The following SP140L variants were observed in gnomAD, a reference collection of about 807,000 sequenced individuals.
The protein encoded by SP140L is SP140 like nuclear body protein.
In SP140L, 64 loss-of-function variants were observed where a neutral mutation model predicts 84.3. The observed-to-expected ratio is 0.76, with a 90% CI of 0.62 to 0.94. SP140L has a LOEUF of 0.94. Among genes scored for constraint, SP140L ranks in the 40% least tolerant of loss-of-function variants. The pLI is 0.00. For missense variants in SP140L, 628 were observed against 692.5 expected (o/e 0.91, Z 1.05); for synonymous variants, 242 against 236.9 (o/e 1.02, Z -0.20).
At chr2:230,376,390 T>C (rs758931176) in intron 7 of SP140L, among the ~76,000 whole-genome samples, 6 of 152,120 alleles carry the variant, frequency 3.9e-5, no homozygotes, top group Non-Finnish European at 8.8e-5. Context: ...AATAAATGAA[T>C]TCAGTAAAGT....
Position 230,327,201 on chromosome 2 carries a change from C to A in SP140L, c.-69C>A. 2 of 1,535,584 alleles carry A rather than the reference C, an allele frequency of 1.3e-6. No individual in the cohort carries two copies. The highest frequency in any genetic ancestry group is 1.8e-6 in the Non-Finnish European group (2 of 1,127,900). Reference sequence around the variant, plus strand: ...TCCGGGTCAGGGCAGCCACACTGCACGCAGGCTGGGCCGACTGGGGAGCTC... The same window carrying A: ...TCCGGGTCAGGGCAGCCACACTGCAAGCAGGCTGGGCCGACTGGGGAGCTC... On this transcript the variant is annotated 5_prime_UTR_variant, in exon 1 of 19. Transcript: ENST00000415673.
At chr2:230,359,991 G>GGTGCTATACCAAACTAAAGTTTGGT (rs1274167276) in intron 4 of SP140L, among the ~76,000 whole-genome samples, 3 of 151,822 alleles carry the variant, frequency 2.0e-5, no homozygotes, top group African/African-American at 7.3e-5. Context: ...CTAAAGTTTT[G>GGTGCTATACCAAACTAAAGTTTGGT]ATTCTTGACT....
At chr2:230,351,219 A>G (rs1006663091) in intron 2 of SP140L, among the ~76,000 whole-genome samples, 4 of 152,224 alleles carry the variant, frequency 2.6e-5, no homozygotes, top group South Asian at 4.1e-4. Flanking sequence ...AGGCTGCAGT[A>G]ATTCATGCTC....
Position 230,403,018 on chromosome 2 carries a change from T to C in SP140L, c.*122T>C, listed in dbSNP as rs1575567766. 11 of 721,552 alleles carry C rather than the reference T, an allele frequency of 1.5e-5. No homozygotes were observed. In the East Asian group the frequency reaches 2.8e-4, roughly 18 times the overall value. 44.7% of individuals were successfully genotyped at this position (721,552 alleles called of 1,614,324 possible). A position where few individuals can be genotyped will look rare whatever the true frequency, so the allele number is the denominator to read the frequency against. On this transcript the variant is annotated 3_prime_UTR_variant, in exon 19 of 19. Coordinates refer to ENST00000415673, the MANE Select transcript of SP140L (RefSeq NM_138402.6). The stretch of plus-strand genomic sequence containing the variant: ...GGCTTTTCTCTGAGCCTCCCTCATC[T>C]GCCCAAAAACAAATCCTCAAAAGAA...
intron 2 of SP140L, among the ~76,000 whole-genome samples, chr2:230,351,532 CT>C (rs543457417): frequency 8.2e-4 from 125 of 152,242 alleles, no homozygotes; most frequent in Admixed American, 2.1e-3. Flanking sequence ...TCTTTTATAT[CT>C]GTATTGCTTT....
chr2:230,354,881 G>GAAAGAAAGAAGGAAAGAAAGAAAGA (rs2060485017), intron 2 of SP140L, among the ~76,000 whole-genome samples: 1 of 125,522 alleles, frequency 8.0e-6, no homozygotes, highest in Admixed American at 8.2e-5. Context: ...AAGAAAGAAA[G>GAAAGAAAGAAGGAAAGAAAGAAAGA]AAAGAAAGAA....
intron 5 of SP140L, among the ~76,000 whole-genome samples, chr2:230,365,259 A>G (rs996465800): frequency 1.3e-5 from 2 of 152,102 alleles, no homozygotes; most frequent in Non-Finnish European, 2.9e-5. Flanking sequence ...GGCAGAATTC[A>G]GCAGTGAAAC....
rs549435853 is a variant in SP140L, at chr2:230,333,489, G to A, written c.107+4658G>A. Among the ~76,000 whole-genome samples the A allele has an allele frequency of 4.6e-5, 7 of 152,162 alleles. No individual in the cohort carries two copies. The East Asian group carries it at 1.4e-3, about 29-fold the overall frequency. Reference sequence around the variant, plus strand: ...CTGATTCTTGATCCTGTCTTTCTATGTCACCTGTTTTGCCTCTCTGAAACT... The same window carrying A: ...CTGATTCTTGATCCTGTCTTTCTATATCACCTGTTTTGCCTCTCTGAAACT... On this transcript the variant is annotated intron_variant, in intron 2 of 18. Transcript: ENST00000415673.
chr2:230,371,048 G>A (rs2061051542), intron 6 of SP140L, 81 bp downstream of exon 6: 3 of 1,237,266 alleles, frequency 2.4e-6, no homozygotes, highest in African/African-American at 1.5e-5. Context: ...AGGTGCTCCA[G>A]TCCGCCCAGA....
intron 9 of SP140L, 145 bp from the exon 10 acceptor site, chr2:230,388,414 C>T: frequency 1.8e-6 from 1 of 562,050 alleles, no homozygotes; most frequent in Non-Finnish European, 3.0e-6. Flanking sequence ...TTCTTCATAC[C>T]TTAAAGGCTA....
intron 5 of SP140L, among the ~76,000 whole-genome samples, chr2:230,367,903 G>A (rs1282005603): frequency 5.9e-5 from 9 of 152,224 alleles, no homozygotes; most frequent in African/African-American, 1.9e-4. Flanking sequence ...CTGCACTCCA[G>A]CCTGGCAACA....
chr2:230,385,429 T>TA (rs2061544485), intron 9 of SP140L, 125 bp downstream of exon 9: 1 of 816,732 alleles, frequency 1.2e-6, no homozygotes, highest in Non-Finnish European at 1.9e-6. Flanking sequence ...CAGTGAAATC[T>TA]AAAAAACAGC....
At position 230,393,433 on chromosome 2, in the gene SP140L, C is replaced by T; in HGVS notation, c.1127C>T (p.Pro376Leu). 6.3e-7 allele frequency: 1 copy of T among 1,586,476 alleles called. No individual in the cohort carries two copies. The highest frequency in any genetic ancestry group is 8.6e-7 in the Non-Finnish European group (1 of 1,168,570). ...TTTCAGGAAGGATCTCTACCTAATC[C>T]TCCAAGAATATATTACAGGAACAAA... ...RLMEEGSLPN[P>L]PRIYYRNKKR... The change falls in exon 13 of 19, where the codon CCT (proline) becomes CTT (leucine). Residue 376 changes from proline (P) to leucine (L), a missense_variant. Physicochemically the swap from Pro to Leu is moderately conservative, Grantham distance 98. Coordinates refer to ENST00000415673, the MANE Select transcript of SP140L (RefSeq NM_138402.6).
intron 7 of SP140L, among the ~76,000 whole-genome samples, chr2:230,378,698 G>T (rs1309912423): frequency 6.6e-6 from 1 of 152,180 alleles, no homozygotes; most frequent in Non-Finnish European, 1.5e-5. Flanking sequence ...ATGTTCCTTT[G>T]CATCCTAATG....
chr2:230,393,644 A>G (rs2061921306), intron 13 of SP140L, among the ~76,000 whole-genome samples, 183 bp downstream of exon 13: 1 of 152,230 alleles, frequency 6.6e-6, no homozygotes, highest in Non-Finnish European at 1.5e-5. Context: ...TTGTGTATAT[A>G]AAGCTAGGTC....
At chr2:230,358,006 T>C in intron 3 of SP140L, 39 bp downstream of exon 3, 1 of 1,604,830 alleles carries the variant, frequency 6.2e-7, no homozygotes, top group Non-Finnish European at 8.5e-7. Context: ...AGATATGCTT[T>C]CATATTTTAC....
At chr2:230,396,591 T>A (rs2062058888) in intron 13 of SP140L, among the ~76,000 whole-genome samples, 166 bp from the exon 14 acceptor site, 2 of 152,252 alleles carry the variant, frequency 1.3e-5, no homozygotes, top group African/African-American at 4.8e-5. Flanking sequence ...ACATAGGAAA[T>A]TAAAGCACTG....
At chr2:230,378,128 T>C (rs947219796) in intron 7 of SP140L, among the ~76,000 whole-genome samples, 3 of 152,168 alleles carry the variant, frequency 2.0e-5, no homozygotes, top group Non-Finnish European at 4.4e-5. Context: ...GTTGGCCATA[T>C]ATGTTTAGGT....
At position 230,376,491 on chromosome 2, in the gene SP140L, C is replaced by G. The variant is rs894876763; in HGVS notation, c.637+4840C>G. On this transcript the variant is annotated intron_variant, in intron 7 of 18. Coordinates refer to ENST00000415673, the MANE Select transcript of SP140L (RefSeq NM_138402.6). Reference sequence around the variant, plus strand: ...AAAATAATCCCATTTACAATAGCAACAAAAAGAATAAAATGGGAACAAATT... The same window carrying G: ...AAAATAATCCCATTTACAATAGCAAGAAAAAGAATAAAATGGGAACAAATT... Among the ~76,000 whole-genome samples, 10 of 151,960 alleles carry G rather than the reference C, an allele frequency of 6.6e-5. No individual in the cohort carries two copies. The East Asian group carries it at 1.9e-3, about 29-fold the overall frequency.
Sources: allele counts gnomAD v4.1 joint callset (sites outside exome capture counted in the v4.1 genomes callset), GRCh38; gene constraint gnomAD v4.1.1; transcripts MANE v1.5; gene names NCBI Gene and HGNC (gene_info 2026-07-23, HGNC 2026-07-21).